CDK20: variants seen among roughly 807,000 people sequenced by gnomAD.
The protein encoded by CDK20 is cyclin-dependent kinase 20.
In CDK20, 40 loss-of-function variants were observed where a neutral mutation model predicts 38.6. That is an observed-to-expected ratio of 1.04 (90% CI 0.81 to 1.35). The LOEUF is 1.35. Among genes scored for constraint, CDK20 ranks in the 40% most tolerant of loss-of-function variants. The probability of loss-of-function intolerance (pLI) is 0.00; values close to 1 mark genes in which losing one functional copy is unlikely to be tolerated. For synonymous variants in CDK20, 209 were observed against 185.7 expected, an observed-to-expected ratio of 1.13 and a Z score of -1.02; for missense variants, 512 against 452.6, an observed-to-expected ratio of 1.13 and a Z score of -1.19.
At position 87,966,640 on chromosome 9, in the gene CDK20, T is replaced by C. The variant is rs1587610812; in HGVS notation, c.*822A>G. On this transcript the variant is annotated 3_prime_UTR_variant, in exon 8 of 8. Coordinates refer to ENST00000325303, the MANE Select transcript of CDK20 (RefSeq NM_001039803.3). ...ATTATATTGGGATTTATTAAATTTA[T>C]AAATTAATTCCAGGAACGCTTGTTT... 1 of 167,944 alleles carries C rather than the reference T, an allele frequency of 6.0e-6. No homozygotes were observed. The highest frequency in any genetic ancestry group is 5.5e-5 in the Admixed American group (1 of 18,134). 10.4% of individuals were successfully genotyped at this position (167,944 alleles called of 1,614,324 possible). A position where few individuals can be genotyped will look rare whatever the true frequency, so the allele number is the denominator to read the frequency against.
At position 87,967,658 on chromosome 9, in the gene CDK20, G is replaced by C. The variant is rs1468477682; in HGVS notation, c.845C>G (p.Ala282Gly). ...TGTGAAGAAGTACTGATGGAGGAGAGCCTGAGGGTGGCAAGTAAGGAACAG... is the reference window on the plus strand; with the variant it reads ...TGTGAAGAAGTACTGATGGAGGAGACCCTGAGGGTGGCAAGTAAGGAACAG... ...PPHQRIAASK[A>G]LLHQYFFTAP... The change falls in exon 8 of 8, where the codon GCT becomes GGT. Residue 282 changes from alanine (A) to glycine (G), a missense_variant and splice_region_variant. Transcript: ENST00000325303. 1 of 1,467,746 alleles carries C rather than the reference G, an allele frequency of 6.8e-7. No individual in the cohort carries two copies. Among genetic ancestry groups the C allele is most frequent in the Non-Finnish European group, 9.0e-7 (1 of 1,106,782 alleles). The allele number at this position is 1,467,746 out of a possible 1,614,324, so 90.9% of individuals were successfully genotyped here. A position where few individuals can be genotyped will look rare whatever the true frequency, so the allele number is the denominator to read the frequency against.
chr9:87,970,645 G>A lies in CDK20; in HGVS notation c.501-15C>T, dbSNP rs1829779886. On this transcript the variant is annotated splice_polypyrimidine_tract_variant and intron_variant, in intron 4 of 7. Coordinates refer to ENST00000325303, the MANE Select transcript of CDK20 (RefSeq NM_001039803.3). ...CTCGGTACCACCTGCGAGGAAGAGG[G>A]CTGGCAGGCACTGGGCTGAGAAAAG... is the stretch of plus-strand genomic sequence containing the variant. 1 of 1,614,070 alleles carries A rather than the reference G, an allele frequency of 6.2e-7. No homozygotes were observed. The highest frequency in any genetic ancestry group is 8.5e-7 in the Non-Finnish European group (1 of 1,179,980).
intron 2 of CDK20, among the ~76,000 whole-genome samples, chr9:87,973,572 T>C (rs1264915509): frequency 2.6e-5 from 4 of 152,136 alleles, no homozygotes; most frequent in Non-Finnish European, 4.4e-5. Context: ...AAAATGACAA[T>C]GTATATAATG....
At chr9:87,968,789 G>T (rs1829630305) in intron 7 of CDK20, 2 of 199,138 alleles carry the variant, frequency 1.0e-5, no homozygotes, top group Admixed American at 5.3e-5. Context: ...TTTACCATCT[G>T]TGCAGGGCCC....
chr9:87,969,517 C>CAG, intron 6 of CDK20, 168 bp from the exon 7 acceptor site: 1 of 814,034 alleles, frequency 1.2e-6, no homozygotes, highest in Non-Finnish European at 1.9e-6. Flanking sequence ...TGTATTCCTT[C>CAG]ATCCATCCCC....
chr9:87,967,591 C>A lies in CDK20; in HGVS notation c.912G>T (p.Gln304His). 2.6e-6 allele frequency: 4 copies of A among 1,533,872 alleles called. No individual in the cohort carries two copies. Among genetic ancestry groups the A allele is most frequent in the Non-Finnish European group, 2.6e-6 (3 of 1,136,706 alleles). ...PAHPSELPIP[Q>H]RLGGPAPKAH... ...CCTTGGGGGCAGGTCCCCCTAGACGCTGAGGAATCGGCAGCTCAGATGGAT... is the reference window on the plus strand; with the variant it reads ...CCTTGGGGGCAGGTCCCCCTAGACGATGAGGAATCGGCAGCTCAGATGGAT... The change falls in exon 8 of 8, where the codon CAG becomes CAT. Residue 304 changes from glutamine (Q) to histidine (H), a missense_variant. Gln to His is a conservative substitution (Grantham distance 24). Coordinates refer to ENST00000325303, the MANE Select transcript of CDK20 (RefSeq NM_001039803.3).
rs1180202511 is a variant in CDK20 at position 87,974,479 on chromosome 9, C to T, written c.-33G>A. 3.2e-6 allele frequency: 5 copies of T among 1,586,360 alleles called. No homozygotes were observed. In the East Asian group the frequency reaches 6.8e-5, roughly 21 times the overall value. ...CAGTCGTGGGCCTGTGCCCCTGTGC[C>T]CCTGAACTTCCAAACTCCACTTCTC... On this transcript the variant is annotated 5_prime_UTR_variant, in exon 1 of 8. Coordinates refer to ENST00000325303, the MANE Select transcript of CDK20 (RefSeq NM_001039803.3).
In CDK20 at chr9:87,973,165, G is replaced by A. The variant is rs563715718; in HGVS notation, c.189+757C>T. Among the ~76,000 whole-genome samples the A allele has an allele frequency of 1.3e-3, 193 of 152,238 alleles. 1 individual carries two copies. Among genetic ancestry groups the A allele is most frequent in the Non-Finnish European group, 2.2e-3 (150 of 68,018 alleles). ...GAGACCCAACCCTGTTAACTCTCCAGGGAGTCAAATACATTCCCTATTTCG... is the reference window on the plus strand; with the variant it reads ...GAGACCCAACCCTGTTAACTCTCCAAGGAGTCAAATACATTCCCTATTTCG... On this transcript the variant is annotated intron_variant, in intron 2 of 7. Transcript: ENST00000325303.
chr9:87,973,335 A>G (rs538911005), intron 2 of CDK20, among the ~76,000 whole-genome samples: 2 of 152,146 alleles, frequency 1.3e-5, no homozygotes, highest in African/African-American at 2.4e-5. Flanking sequence ...TTGTTAGCAC[A>G]CTTAAGTCCT....
intron 4 of CDK20, 49 bp downstream of exon 4, chr9:87,970,727 A>G (rs576046455): frequency 6.2e-7 from 1 of 1,613,336 alleles, no homozygotes; most frequent in Admixed American, 1.7e-5. Context: ...AAGGCCCAGA[A>G]GCATCTCTTC....
intron 7 of CDK20, 76 bp from the exon 8 acceptor site, chr9:87,967,735 C>A (rs1049017189): frequency 2.4e-6 from 3 of 1,272,076 alleles, no homozygotes; most frequent in African/African-American, 3.0e-5. Context: ...GATGTTCCTT[C>A]ATCTATGCAT....
Position 87,974,522 on chromosome 9 carries a change from C to A in CDK20, c.-76G>T. 7.3e-7 allele frequency: 1 copy of A among 1,367,492 alleles called. No homozygotes were observed. The highest frequency in any genetic ancestry group is 9.9e-7 in the Non-Finnish European group (1 of 1,007,254). 84.7% of individuals were successfully genotyped at this position (1,367,492 alleles called of 1,614,324 possible). On this transcript the variant is annotated 5_prime_UTR_variant, in exon 1 of 8. Transcript: ENST00000325303. ...CACTTCTCCTCCACCCCACGCTGATCTGAGCTCGCACGCTGTTGCCTAGCA... is the reference window on the plus strand; with the variant it reads ...CACTTCTCCTCCACCCCACGCTGATATGAGCTCGCACGCTGTTGCCTAGCA...
rs1829982407 is a variant in CDK20, at chr9:87,973,176, A to G, written c.189+746T>C. Reference sequence around the variant, plus strand: ...CTGTTAACTCTCCAGGGAGTCAAATACATTCCCTATTTCGACATGGGTGAG... The same window carrying G: ...CTGTTAACTCTCCAGGGAGTCAAATGCATTCCCTATTTCGACATGGGTGAG... On this transcript the variant is annotated intron_variant, in intron 2 of 7. Coordinates refer to ENST00000325303, the MANE Select transcript of CDK20 (RefSeq NM_001039803.3). Among the ~76,000 whole-genome samples the G allele has an allele frequency of 2.6e-5, 4 of 152,320 alleles. No homozygotes were observed. In the South Asian group the frequency reaches 8.3e-4, roughly 32 times the overall value.
chr9:87,969,778 C>A lies in CDK20; in HGVS notation c.687+18G>T. The A allele has an allele frequency of 1.2e-6, 2 of 1,613,722 alleles. No homozygotes were observed. The highest frequency in any genetic ancestry group is 1.7e-6 in the Non-Finnish European group (2 of 1,179,780). On this transcript the variant is annotated intron_variant, in intron 6 of 7. Transcript: ENST00000325303. Reference sequence around the variant, plus strand: ...GTAAACCTGCCCCACACCCACCTCACCAAGGGCCCCTACAAACCGGCCAGA... The same window carrying A: ...GTAAACCTGCCCCACACCCACCTCAACAAGGGCCCCTACAAACCGGCCAGA...
chr9:87,973,761 CAA>C (rs532968240), intron 2 of CDK20, among the ~76,000 whole-genome samples, 159 bp downstream of exon 2: 41 of 152,072 alleles, frequency 2.7e-4, no homozygotes, highest in African/African-American at 9.4e-4. Context: ...CAAAAAAGGG[CAA>C]AAGGGGGTAA....
Position 87,966,851 on chromosome 9 carries a change from C to T in CDK20, c.*611G>A. ...TGAAGTACACAGGAGTCCCTCAGGG[C>T]AAAAGTGGCTATGCCTGGTGCTACC... On this transcript the variant is annotated 3_prime_UTR_variant, in exon 8 of 8. Coordinates refer to ENST00000325303, the MANE Select transcript of CDK20 (RefSeq NM_001039803.3). 2.8e-6 allele frequency: 1 copy of T among 360,982 alleles called. No individual in the cohort carries two copies. The highest frequency in any genetic ancestry group is 5.4e-6 in the Non-Finnish European group (1 of 183,708). The allele number at this position is 360,982 out of a possible 1,614,324, so 22.4% of individuals were successfully genotyped here.
At chr9:87,971,487 A>C in intron 2 of CDK20, 152 bp from the exon 3 acceptor site, 1 of 675,290 alleles carries the variant, frequency 1.5e-6, no homozygotes, top group Non-Finnish European at 2.5e-6. Context: ...AGAATCAGAG[A>C]GCTCGATGCT....
At chr9:87,969,406 C>T in intron 6 of CDK20, 57 bp from the exon 7 acceptor site, 1 of 1,573,768 alleles carries the variant, frequency 6.4e-7, no homozygotes, top group Middle Eastern at 1.7e-4. Context: ...CCTTGCCATG[C>T]TCTCTGCTGT....
At chr9:87,973,820 TC>T (rs1830032299) in intron 2 of CDK20, 101 bp downstream of exon 2, 1 of 1,223,478 alleles carries the variant, frequency 8.2e-7, no homozygotes, top group Non-Finnish European at 1.2e-6. Flanking sequence ...CGGGAGGAAA[TC>T]CCTGAAAGCT....
Sources: gnomAD v4.1 joint callset for allele counts (sites outside exome capture counted in the v4.1 genomes callset) on GRCh38, gnomAD v4.1.1 for gene constraint, MANE v1.5 for transcripts, NCBI Gene and HGNC (gene_info 2026-07-23, HGNC 2026-07-21) for gene names.